DCC: variants seen among roughly 807,000 people sequenced by gnomAD.
DCC encodes the protein DCC netrin 1 receptor.
DCC carries 58 observed loss-of-function variants against 172.5 expected under a neutral mutation model. The observed-to-expected ratio is 0.34, with a 90% CI of 0.27 to 0.42. The LOEUF is 0.42. DCC is among the 10% of genes least tolerant of loss of function. DCC has a pLI of 1.00. For synonymous variants in DCC, 709 were observed against 644.5 expected (o/e 1.10, Z -1.52); for missense variants, 1,740 against 1,791.0 (o/e 0.97, Z 0.51).
intron 2 of DCC, among the ~76,000 whole-genome samples, chr18:52,814,976 ACT>A (rs1447360838): frequency 6.6e-6 from 1 of 152,114 alleles, no homozygotes; most frequent in Non-Finnish European, 1.5e-5. Context: ...AAATGTGGTG[ACT>A]CATTATAAAT....
chr18:52,714,794 T>A (rs993951513), intron 1 of DCC, among the ~76,000 whole-genome samples: 7 of 152,220 alleles, frequency 4.6e-5, no homozygotes, highest in African/African-American at 1.7e-4. Context: ...TCTGACAATT[T>A]ACTTTGAGAT....
intron 5 of DCC, among the ~76,000 whole-genome samples, chr18:53,005,877 G>A (rs368103067): frequency 2.0e-5 from 3 of 151,928 alleles, no homozygotes; most frequent in African/African-American, 7.3e-5. Flanking sequence ...TTTCTCTCTG[G>A]TCTTCCCTCA....
At chr18:52,631,407 A>C (rs561104801) in intron 1 of DCC, among the ~76,000 whole-genome samples, 1 of 152,344 alleles carries the variant, frequency 6.6e-6, no homozygotes, top group Admixed American at 6.5e-5. Flanking sequence ...AGTTTCTAGG[A>C]AAACGCATCA....
chr18:53,456,399 A>G (rs1236579825), intron 23 of DCC, among the ~76,000 whole-genome samples: 1 of 151,992 alleles, frequency 6.6e-6, no homozygotes, highest in Non-Finnish European at 1.5e-5. Context: ...GTAGAAGGAG[A>G]CCCTCCTATT....
chr18:53,216,382 C>G (rs550718499), intron 12 of DCC, among the ~76,000 whole-genome samples: 1 of 152,094 alleles, frequency 6.6e-6, no homozygotes, highest in Admixed American at 6.6e-5. Flanking sequence ...TTTCTAAGCT[C>G]TGGGAGACAG....
At chr18:52,365,045 G>T (rs1598864452) in intron 1 of DCC, among the ~76,000 whole-genome samples, 1 of 152,122 alleles carries the variant, frequency 6.6e-6, no homozygotes, top group South Asian at 2.1e-4. Flanking sequence ...AAAAAAAATA[G>T]AAGGATGTGT....
intron 1 of DCC, among the ~76,000 whole-genome samples, chr18:52,378,541 T>A (rs1225070078): frequency 6.6e-6 from 1 of 152,048 alleles, no homozygotes; most frequent in East Asian, 1.9e-4. Flanking sequence ...TTATTTAAAA[T>A]ATATATACTT....
At chr18:52,415,118 A>T (rs933115200) in intron 1 of DCC, among the ~76,000 whole-genome samples, 1 of 152,218 alleles carries the variant, frequency 6.6e-6, no homozygotes, top group African/African-American at 2.4e-5. Flanking sequence ...GTACAGATTT[A>T]AAAATGACAT....
intron 15 of DCC, among the ~76,000 whole-genome samples, chr18:53,347,147 G>A (rs2057734929): frequency 6.6e-6 from 1 of 152,116 alleles, no homozygotes; most frequent in Non-Finnish European, 1.5e-5. Flanking sequence ...ACTACTTTCA[G>A]TGATTCTTCT....
intron 1 of DCC, among the ~76,000 whole-genome samples, chr18:52,708,500 T>G (rs1042612858): frequency 6.6e-6 from 1 of 151,344 alleles, no homozygotes; most frequent in Admixed American, 6.6e-5. Context: ...GAACCAGAAC[T>G]CTAGTAGATA....
intron 15 of DCC, among the ~76,000 whole-genome samples, chr18:53,343,901 TC>T (rs2057690807): frequency 6.6e-6 from 1 of 152,052 alleles, no homozygotes; most frequent in African/African-American, 2.4e-5. Flanking sequence ...ATAAAATCCA[TC>T]CATTTCATTT....
chr18:52,909,502 A>C (rs2039937564), intron 3 of DCC, among the ~76,000 whole-genome samples: 1 of 152,142 alleles, frequency 6.6e-6, no homozygotes, highest in Admixed American at 6.6e-5. Flanking sequence ...GTTTGAATTT[A>C]TGTGTGTTTA....
intron 1 of DCC, among the ~76,000 whole-genome samples, chr18:52,479,287 G>C (rs886472229): frequency 2.6e-5 from 4 of 152,104 alleles, no homozygotes; most frequent in African/African-American, 9.7e-5. Flanking sequence ...TTTCTAAAGT[G>C]ACCTTTTGTG....
intron 1 of DCC, among the ~76,000 whole-genome samples, chr18:52,659,740 TA>T (rs1169163228): frequency 1.2e-4 from 18 of 152,282 alleles, no homozygotes; most frequent in Non-Finnish European, 1.5e-5. Flanking sequence ...TGTTTTAGAG[TA>T]AATTTTTAAA....
At chr18:53,281,489 AG>A (rs2056871156) in intron 12 of DCC, among the ~76,000 whole-genome samples, 2 of 152,166 alleles carry the variant, frequency 1.3e-5, no homozygotes. Flanking sequence ...AATCAGACGT[AG>A]GCCTTGTCCC....
intron 1 of DCC, among the ~76,000 whole-genome samples, chr18:52,540,597 CTTTT>C (rs71175505): frequency 8.9e-5 from 6 of 67,492 alleles, no homozygotes; most frequent in African/African-American, 6.8e-5. Flanking sequence ...ATTCAACTGC[CTTTT>C]TTTTTTTTTT....
chr18:53,262,273 C>A (rs975431105), intron 12 of DCC, among the ~76,000 whole-genome samples: 1 of 152,156 alleles, frequency 6.6e-6, no homozygotes, highest in African/African-American at 2.4e-5. Context: ...ACCCATTTTT[C>A]CTCGTAGCCT....
intron 1 of DCC, among the ~76,000 whole-genome samples, chr18:52,599,804 G>A (rs773659759): frequency 5.9e-5 from 9 of 152,154 alleles, no homozygotes; most frequent in South Asian, 2.1e-4. Flanking sequence ...TTGAGCCACC[G>A]CGCCCGGCCT....
chr18:53,007,274 C>T (rs1837617535), intron 5 of DCC, among the ~76,000 whole-genome samples: 1 of 152,070 alleles, frequency 6.6e-6, no homozygotes, highest in South Asian at 2.1e-4. Context: ...CCCAAGATGA[C>T]AATGATAAAT....
Sources: gnomAD v4.1 joint callset for allele counts (sites outside exome capture counted in the v4.1 genomes callset) on GRCh38, gnomAD v4.1.1 for gene constraint, MANE v1.5 for transcripts, NCBI Gene and HGNC (gene_info 2026-07-23, HGNC 2026-07-21) for gene names.